CAMTA1: variants seen among roughly 807,000 people sequenced by gnomAD.
CAMTA1 encodes calmodulin binding transcription activator 1.
In CAMTA1, 27 loss-of-function variants were observed where a neutral mutation model predicts 170.9. The ratio of observed to expected loss-of-function variants is 0.16; its 90% confidence interval spans 0.12 to 0.22. The LOEUF (loss-of-function observed/expected upper bound fraction) is 0.22, where lower values mean the gene tolerates loss of function less well. Among genes scored for constraint, CAMTA1 ranks in the 10% least tolerant of loss-of-function variants. The pLI, the probability that CAMTA1 is intolerant of heterozygous loss-of-function variation, is 1.00. For synonymous variants in CAMTA1, 833 were observed against 891.5 expected (o/e 0.93, Z 1.17); for missense variants, 1,619 against 2,217.2 (o/e 0.73, Z 5.42).
intron 22 of CAMTA1, among the ~76,000 whole-genome samples, chr1:7,759,344 T>G (rs1341284434): frequency 6.6e-6 from 1 of 152,200 alleles, no homozygotes; most frequent in African/African-American, 2.4e-5. Flanking sequence ...CACTTGTGTC[T>G]TGAAATGTTT....
intron 5 of CAMTA1, among the ~76,000 whole-genome samples, chr1:7,282,674 A>G (rs1671687850): frequency 6.6e-6 from 1 of 152,174 alleles, no homozygotes; most frequent in South Asian, 2.1e-4. Context: ...AGGATATGCC[A>G]GAAAGGAGAG....
chr1:7,620,558 G>A (rs909021765), intron 6 of CAMTA1, among the ~76,000 whole-genome samples: 1 of 152,186 alleles, frequency 6.6e-6, no homozygotes, highest in East Asian at 1.9e-4. Flanking sequence ...GAGAGAGAGA[G>A]AATATATTCT....
At chr1:7,086,476 A>G (rs548640396) in intron 3 of CAMTA1, among the ~76,000 whole-genome samples, 31 of 152,254 alleles carry the variant, frequency 2.0e-4, no homozygotes, top group African/African-American at 7.0e-4. Flanking sequence ...ATCAGTGGTC[A>G]TTAGTACATT....
At chr1:6,899,548 G>GCA (rs1161221003) in intron 3 of CAMTA1, among the ~76,000 whole-genome samples, 43 of 89,782 alleles carry the variant, frequency 4.8e-4, no homozygotes, top group Admixed American at 4.6e-3. Flanking sequence ...ACGCGCACGC[G>GCA]CGCGCGCACA....
intron 5 of CAMTA1, among the ~76,000 whole-genome samples, chr1:7,423,975 G>C (rs2091733598): frequency 6.6e-6 from 1 of 152,172 alleles, no homozygotes; most frequent in Non-Finnish European, 1.5e-5. Flanking sequence ...GCTTTAGGGA[G>C]CACTGTGAGC....
intron 1 of CAMTA1, among the ~76,000 whole-genome samples, chr1:6,817,855 C>T (rs1646016012): frequency 2.0e-5 from 3 of 152,136 alleles, no homozygotes; most frequent in East Asian, 1.9e-4. Context: ...AAGAGTTTTA[C>T]AGAAATAGAA....
rs966965243 is a variant in CAMTA1 at position 7,092,201 on chromosome 1, A to G, written c.302+830A>G. On this transcript the variant is annotated intron_variant, in intron 4 of 22. Transcript: ENST00000303635. This position sits in a 1 kb window ranked among gnomAD's most constrained non-coding sequence, Gnocchi z 5.0. ...GGTTTACACAGGATGCCTGGACTGC[A>G]GGCTTGAACTGAAGTGGTGGAATGT... is the stretch of plus-strand genomic sequence containing the variant. Among the ~76,000 whole-genome samples the G allele has an allele frequency of 6.6e-6, 1 of 152,188 alleles. No homozygotes were observed. Among genetic ancestry groups the G allele is most frequent in the Non-Finnish European group, 1.5e-5 (1 of 68,034 alleles).
intron 4 of CAMTA1, among the ~76,000 whole-genome samples, chr1:7,097,938 T>C (rs1033913429): frequency 6.6e-6 from 1 of 152,108 alleles, no homozygotes; most frequent in Non-Finnish European, 1.5e-5. Context: ...GGCAGAGCAA[T>C]GTGAATGTGC....
At chr1:6,871,973 T>C (rs1668524029) in intron 3 of CAMTA1, 2 of 1,236,206 alleles carry the variant, frequency 1.6e-6, no homozygotes, top group South Asian at 2.7e-5. Context: ...ATTTGCAAAA[T>C]GCTGTCTTCA....
At chr1:7,153,847 G>A (rs980960348) in intron 4 of CAMTA1, among the ~76,000 whole-genome samples, 2 of 152,224 alleles carry the variant, frequency 1.3e-5, no homozygotes, top group Non-Finnish European at 2.9e-5. Flanking sequence ...CAGTGGACAT[G>A]CTGTTAAAAG....
intron 3 of CAMTA1, among the ~76,000 whole-genome samples, chr1:6,933,753 G>A (rs757798281): frequency 6.8e-6 from 1 of 147,406 alleles, no homozygotes; most frequent in South Asian, 2.2e-4. Flanking sequence ...ATTGCATTTT[G>A]CCCCTTTGTA....
Position 7,455,595 on chromosome 1 carries a change from G to C in CAMTA1, c.439-12235G>C, listed in dbSNP as rs2092931393. On this transcript the variant is annotated intron_variant, in intron 5 of 22. Transcript: ENST00000303635. The surrounding 1 kb of genome is among the most constrained non-coding windows in gnomAD (Gnocchi z 5.0). ...TTGTCCGTTTTAAGCAAGAATCCCT[G>C]CCCAGACTCCCTGGCCACATGCAGC... Among the ~76,000 whole-genome samples the C allele has an allele frequency of 6.6e-6, 1 of 152,176 alleles. No homozygotes were observed. Among genetic ancestry groups the C allele is most frequent in the Non-Finnish European group, 1.5e-5 (1 of 68,034 alleles).
intron 3 of CAMTA1, chr1:6,834,528 A>C (rs911342645): frequency 1.6e-5 from 4 of 253,868 alleles, no homozygotes; most frequent in Non-Finnish European, 3.1e-5. Flanking sequence ...CCACAGGTCA[A>C]CTTCTGAAGG....
In CAMTA1 at chr1:7,664,625, A is replaced by G. The variant is rs762239693; in HGVS notation, c.2078A>G (p.Glu693Gly). Residue 693 changes from glutamate (E) to glycine (G), a missense_variant, in exon 9 of 23, where the codon GAG (glutamate) becomes GGG (glycine). Physicochemically the swap from Glu to Gly is moderately conservative, Grantham distance 98. Coordinates refer to ENST00000303635, the MANE Select transcript of CAMTA1 (RefSeq NM_015215.4). ...AMTAEGEVTMETSQAAEGSEV... is the reference protein window; with the variant it reads ...AMTAEGEVTMGTSQAAEGSEV... ...ACGGCAGAAGGGGAGGTCACCATGG[A>G]GACCTCGCAGGCGGCGGAAGGGAGC... 6.2e-7 allele frequency: 1 copy of G among 1,608,726 alleles called. No individual in the cohort carries two copies. Among genetic ancestry groups the G allele is most frequent in the South Asian group, 1.1e-5 (1 of 91,036 alleles).
At chr1:7,448,358 G>A (rs774659099) in intron 5 of CAMTA1, among the ~76,000 whole-genome samples, 2 of 152,172 alleles carry the variant, frequency 1.3e-5, no homozygotes, top group African/African-American at 4.8e-5. Flanking sequence ...GAATGTGTGC[G>A]AACCTCCATG....
intron 4 of CAMTA1, among the ~76,000 whole-genome samples, chr1:7,190,984 T>A (rs943502515): frequency 4.6e-5 from 7 of 152,250 alleles, no homozygotes; most frequent in Non-Finnish European, 1.0e-4. Flanking sequence ...GGTACACTGG[T>A]AATTTTTTAG....
intron 5 of CAMTA1, among the ~76,000 whole-genome samples, chr1:7,319,103 G>A (rs1373744274): frequency 6.6e-6 from 1 of 152,214 alleles, no homozygotes; most frequent in African/African-American, 2.4e-5. Context: ...GGGGAAGGCA[G>A]ACACTGAATG....
chr1:7,580,681 G>GAAAA lies in CAMTA1; in HGVS notation c.511-59719_511-59718insAAAA, dbSNP rs2095252923. On this transcript the variant is annotated intron_variant, in intron 6 of 22. Coordinates refer to ENST00000303635, the MANE Select transcript of CAMTA1 (RefSeq NM_015215.4). The surrounding 1 kb of genome is among the most constrained non-coding windows in gnomAD (Gnocchi z 4.3). ...TGGGCACCTGGCCCCGAGGCTGGCTGTGCCCAGCACTGTGCAAAATCCCTC... is the reference window on the plus strand; with the variant it reads ...TGGGCACCTGGCCCCGAGGCTGGCTGAAAATGCCCAGCACTGTGCAAAATCCCTC... Among the ~76,000 whole-genome samples, 2 of 152,200 alleles carry GAAAA rather than the reference G, an allele frequency of 1.3e-5. No homozygotes were observed. Among genetic ancestry groups the GAAAA allele is most frequent in the African/African-American group, 4.8e-5 (2 of 41,452 alleles).
At chr1:6,987,286 C>G (rs1695521287) in intron 3 of CAMTA1, among the ~76,000 whole-genome samples, 2 of 152,098 alleles carry the variant, frequency 1.3e-5, no homozygotes, top group South Asian at 4.1e-4. Flanking sequence ...CCTCAGCCTC[C>G]CAAGTAGCTG....
Sources: allele counts gnomAD v4.1 joint callset (sites outside exome capture counted in the v4.1 genomes callset), GRCh38; gene constraint gnomAD v4.1.1; non-coding constraint Gnocchi (gnomAD v3.1); transcripts MANE v1.5; gene names NCBI Gene and HGNC (gene_info 2026-07-23, HGNC 2026-07-21).